Variants in IGF1R observed in about 807,000 individuals in gnomAD.
IGF1R encodes the protein insulin like growth factor 1 receptor.
A neutral mutation model predicts 144.6 loss-of-function variants in IGF1R; 44 were observed. The ratio of observed to expected loss-of-function variants is 0.30; its 90% CI spans 0.24 to 0.39. The LOEUF (loss-of-function observed/expected upper bound fraction) is 0.39. IGF1R is among the 10% of genes least tolerant of loss of function. The pLI, the probability that IGF1R is intolerant of heterozygous loss-of-function variation, is 1.00. For missense variants in IGF1R, 1,355 were observed against 1,833.7 expected (o/e 0.74, Z 4.77); for synonymous variants, 795 against 722.8 (o/e 1.10, Z -1.60).
intron 10 of IGF1R, 70 bp from the exon 11 acceptor site, chr15:98,922,072 GTTACTC>G (rs2015512341): frequency 1.9e-5 from 29 of 1,516,418 alleles, no homozygotes; most frequent in Non-Finnish European, 2.7e-5. Flanking sequence ...AGATTCTTCT[GTTACTC>G]TTACTCAAGT....
chr15:98,789,080 TC>T (rs1224339178), intron 2 of IGF1R, among the ~76,000 whole-genome samples: 2 of 152,234 alleles, frequency 1.3e-5, no homozygotes, highest in Non-Finnish European at 2.9e-5. Flanking sequence ...GTTTACTTGT[TC>T]CAGCTCACTT....
At chr15:98,826,483 G>A (rs56388044) in intron 2 of IGF1R, among the ~76,000 whole-genome samples, 3,022 of 152,264 alleles carry the variant, frequency 0.02, 86 homozygotes, top group African/African-American at 0.063. Flanking sequence ...GTAATTTATC[G>A]TTGAAGGGCA....
chr15:98,950,743 A>G (rs922201326), intron 20 of IGF1R, among the ~76,000 whole-genome samples: 2 of 152,158 alleles, frequency 1.3e-5, no homozygotes, highest in African/African-American at 4.8e-5. Flanking sequence ...TGATTAGAGG[A>G]GTGAAGTATC....
intron 5 of IGF1R, among the ~76,000 whole-genome samples, chr15:98,902,496 C>T (rs2014534068): frequency 6.7e-6 from 1 of 148,192 alleles, no homozygotes; most frequent in Non-Finnish European, 1.5e-5. Context: ...CGGCTCACTG[C>T]ACCCTCTGCC....
At chr15:98,795,454 G>C (rs2056219267) in intron 2 of IGF1R, among the ~76,000 whole-genome samples, 1 of 151,684 alleles carries the variant, frequency 6.6e-6, no homozygotes, top group South Asian at 2.1e-4. Flanking sequence ...TCACTCTGTT[G>C]CCCAGGCTGG....
chr15:98,918,020 A>C (rs1178272327), intron 10 of IGF1R, among the ~76,000 whole-genome samples: 3 of 152,204 alleles, frequency 2.0e-5, no homozygotes, highest in African/African-American at 4.8e-5. Flanking sequence ...GTTTTGTTTT[A>C]AAATTTTATT....
chr15:98,877,147 A>T (rs1390410222), intron 2 of IGF1R, among the ~76,000 whole-genome samples: 1 of 152,230 alleles, frequency 6.6e-6, no homozygotes, highest in Non-Finnish European at 1.5e-5. Flanking sequence ...GGCAGCTTTA[A>T]TTATGACAGG....
chr15:98,953,334 A>T (rs752001591), intron 20 of IGF1R, among the ~76,000 whole-genome samples: 1 of 152,214 alleles, frequency 6.6e-6, no homozygotes, highest in South Asian at 2.1e-4. Context: ...GCCATGACTC[A>T]GTGTGAATTA....
At chr15:98,897,468 T>G (rs933152534) in intron 4 of IGF1R, 4 of 154,476 alleles carry the variant, frequency 2.6e-5, no homozygotes, top group Admixed American at 1.3e-4. Flanking sequence ...TGACCTTTAT[T>G]TGCAATAGAT....
Position 98,922,173 on chromosome 15 carries a change from A to T in IGF1R, c.2227A>T (p.Met743Leu). ...PRPERKRRDV[M>L]QVANTTMSSR... Reference sequence around the variant, plus strand: ...ACCTGAAAGGAAGCGGAGAGATGTCATGCAAGTGGCCAACACCACCATGTC... The same window carrying T: ...ACCTGAAAGGAAGCGGAGAGATGTCTTGCAAGTGGCCAACACCACCATGTC... The change falls in exon 11 of 21, where the codon ATG becomes TTG. Residue 743 changes from methionine (M) to leucine (L), a missense_variant. By Grantham distance (15) the Met-to-Leu change is conservative. Around this residue, in one of 7 missense-constraint regions of IGF1R, gnomAD observed 880 missense variants for 1,202.7 expected, o/e 0.73. Transcript: ENST00000650285. The T allele has an allele frequency of 6.2e-7, 1 of 1,614,212 alleles. No individual in the cohort carries two copies. Among genetic ancestry groups the T allele is most frequent in the East Asian group, 2.2e-5 (1 of 44,880 alleles).
rs150904712 is a variant in IGF1R at position 98,697,987 on chromosome 15, G to A, written c.95-9575G>A. ...TGGCCTCAAGTGATCCCCCTGCTTC[G>A]GCCTCCCGAAGTGCTGAGATTACAG... On this transcript the variant is annotated intron_variant, in intron 1 of 20. Coordinates refer to ENST00000650285, the MANE Select transcript of IGF1R (RefSeq NM_000875.5). Among the ~76,000 whole-genome samples the A allele has an allele frequency of 4.7e-3, 703 of 149,512 alleles. 5 individuals carry two copies. The highest frequency in any genetic ancestry group is 0.016 in the African/African-American group (665 of 40,552).
intron 2 of IGF1R, among the ~76,000 whole-genome samples, chr15:98,747,481 G>A (rs1352504943): frequency 1.3e-5 from 2 of 152,130 alleles, no homozygotes; most frequent in East Asian, 1.9e-4. Flanking sequence ...CAGCCACTGT[G>A]CCCTGGCACT....
At chr15:98,844,640 A>G (rs77042102) in intron 2 of IGF1R, among the ~76,000 whole-genome samples, 7 of 148,598 alleles carry the variant, frequency 4.7e-5, no homozygotes, top group African/African-American at 7.5e-5. Context: ...GTGTGTGTGT[A>G]TTTAGAGAGA....
chr15:98,694,282 A>C (rs1234168268), intron 1 of IGF1R, among the ~76,000 whole-genome samples: 3 of 152,190 alleles, frequency 2.0e-5, no homozygotes, highest in Non-Finnish European at 4.4e-5. Context: ...GGCTCCTCAA[A>C]GATGTCACTG....
At chr15:98,917,035 A>C in intron 10 of IGF1R, 159 bp downstream of exon 10, 1 of 723,342 alleles carries the variant, frequency 1.4e-6, no homozygotes. Flanking sequence ...CGGTGAAGTG[A>C]GTCCCTGCGG....
intron 1 of IGF1R, among the ~76,000 whole-genome samples, chr15:98,677,524 C>T (rs754080652): frequency 5.3e-5 from 8 of 152,064 alleles, no homozygotes; most frequent in South Asian, 2.1e-4. Flanking sequence ...GGGAGTAGGC[C>T]GACAGGGGCT....
chr15:98,921,954 T>A (rs2015506411), intron 10 of IGF1R, among the ~76,000 whole-genome samples, 194 bp from the exon 11 acceptor site: 1 of 152,100 alleles, frequency 6.6e-6, no homozygotes, highest in South Asian at 2.1e-4. Context: ...GTGTGCCCAT[T>A]CTGACACTTG....
intron 2 of IGF1R, among the ~76,000 whole-genome samples, chr15:98,877,186 C>T (rs747490778): frequency 5.3e-5 from 8 of 152,218 alleles, no homozygotes; most frequent in Admixed American, 2.0e-4. Context: ...GAGAGAGAGA[C>T]TGACTTACAC....
At chr15:98,662,874 C>T (rs2052633568) in intron 1 of IGF1R, among the ~76,000 whole-genome samples, 1 of 152,014 alleles carries the variant, frequency 6.6e-6, no homozygotes, top group Non-Finnish European at 1.5e-5. Flanking sequence ...TGTCAGAATC[C>T]GGTGTTTGTG....
Sources: allele counts gnomAD v4.1 joint callset (sites outside exome capture counted in the v4.1 genomes callset), GRCh38; gene constraint gnomAD v4.1.1; regional missense constraint gnomAD v4.1.1; transcripts MANE v1.5; gene names NCBI Gene and HGNC (gene_info 2026-07-23, HGNC 2026-07-21).